Variants in KDM4C observed in about 807,000 individuals in gnomAD.
KDM4C encodes lysine-specific demethylase 4C.
KDM4C carries 81 observed loss-of-function variants against 129.3 expected under a neutral mutation model. The ratio of observed to expected loss-of-function variants is 0.63; its 90% CI spans 0.52 to 0.75. KDM4C has a LOEUF of 0.75. Among genes scored for constraint, KDM4C ranks in the 30% least tolerant of loss-of-function variants. The pLI is 0.00. For missense variants in KDM4C, 1,457 were observed against 1,304.0 expected, an observed-to-expected ratio of 1.12 and a Z score of -1.81; for synonymous variants, 573 against 456.1, an observed-to-expected ratio of 1.26 and a Z score of -3.26.
intron 8 of KDM4C, chr9:6,925,368 A>G: frequency 1.0e-6 from 1 of 985,264 alleles, no homozygotes; most frequent in Non-Finnish European, 1.2e-6. Context: ...AGAGAAGCTC[A>G]GTTCTCTTTG....
rs189184817 is a variant in KDM4C, at chr9:6,899,822, A to G, written c.921+6590A>G. Among the ~76,000 whole-genome samples the G allele has an allele frequency of 2.3e-3, 352 of 152,194 alleles. 1 individual carries two copies. Among genetic ancestry groups the G allele is most frequent in the African/African-American group, 8.1e-3 (335 of 41,534 alleles). ...GGGAGCCTGATTTCATTTGTTGTTA[A>G]CTTGCATTTGCTGCATTATGGGATT... On this transcript the variant is annotated intron_variant, in intron 8 of 21. Coordinates refer to ENST00000381309, the MANE Select transcript of KDM4C (RefSeq NM_015061.6).
At chr9:6,834,229 T>C (rs1340221914) in intron 4 of KDM4C, among the ~76,000 whole-genome samples, 1 of 151,814 alleles carries the variant, frequency 6.6e-6, no homozygotes, top group Admixed American at 6.6e-5. Context: ...AGAGGCAGGG[T>C]TTTGCCATGT....
At chr9:7,090,750 G>A (rs573477812) in intron 17 of KDM4C, among the ~76,000 whole-genome samples, 1 of 152,278 alleles carries the variant, frequency 6.6e-6, no homozygotes, top group South Asian at 2.1e-4. Flanking sequence ...AGCAGGTATA[G>A]TTTTCTAGGC....
chr9:6,966,872 A>G (rs1831066699), intron 8 of KDM4C, among the ~76,000 whole-genome samples: 1 of 152,218 alleles, frequency 6.6e-6, no homozygotes, highest in Non-Finnish European at 1.5e-5. Flanking sequence ...CTATCTTTAT[A>G]ACTTGAGGAT....
chr9:6,829,276 T>A (rs1251573865), intron 4 of KDM4C, among the ~76,000 whole-genome samples: 1 of 152,184 alleles, frequency 6.6e-6, no homozygotes. Flanking sequence ...ATTATGGACA[T>A]TAGGCATGGT....
intron 5 of KDM4C, among the ~76,000 whole-genome samples, chr9:6,878,985 C>G (rs565086349): frequency 6.6e-6 from 1 of 152,210 alleles, no homozygotes; most frequent in Non-Finnish European, 1.5e-5. Context: ...CCTTAAGCAA[C>G]AGGATATATG....
chr9:7,077,328 C>A (rs376435316), intron 17 of KDM4C: 3 of 622,452 alleles, frequency 4.8e-6, no homozygotes, highest in East Asian at 2.8e-4. Flanking sequence ...AGTTGTCATC[C>A]TATGCCCCTC....
intron 8 of KDM4C, among the ~76,000 whole-genome samples, chr9:6,951,808 C>G (rs138218243): frequency 5.1e-4 from 77 of 152,234 alleles, no homozygotes; most frequent in Admixed American, 4.9e-3. Context: ...ATTTACTTCA[C>G]TTAGTACTTT....
chr9:7,067,285 C>G (rs1479971654), intron 17 of KDM4C, among the ~76,000 whole-genome samples: 1 of 152,214 alleles, frequency 6.6e-6, no homozygotes, highest in Non-Finnish European at 1.5e-5. Flanking sequence ...CCCCTTCTTC[C>G]TATAGCTGTG....
chr9:6,741,960 A>T (rs1337841788), intron 1 of KDM4C, among the ~76,000 whole-genome samples: 2 of 151,478 alleles, frequency 1.3e-5, no homozygotes, highest in Non-Finnish European at 2.9e-5. Context: ...CAATAATAAA[A>T]TGTTTTTATT....
chr9:7,161,976 T>A (rs1158141432), intron 19 of KDM4C, among the ~76,000 whole-genome samples: 1 of 152,202 alleles, frequency 6.6e-6, no homozygotes, highest in Non-Finnish European at 1.5e-5. Context: ...AGAAATAAGC[T>A]CTTTTATGTT....
Position 6,805,631 on chromosome 9 carries a change from G to T in KDM4C, c.177G>T (p.Gln59His). ...CTCCTAAGGAGTGGAAGCCAAGACAGTGCTATGATGACATTGATAATTTGC... is the reference window on the plus strand; with the variant it reads ...CTCCTAAGGAGTGGAAGCCAAGACATTGCTATGATGACATTGATAATTTGC... ...VIPPKEWKPR[Q>H]CYDDIDNLLI... The change falls in exon 3 of 22, where the codon CAG (glutamine) becomes CAT (histidine). Residue 59 changes from glutamine to histidine, a missense_variant. Transcript: ENST00000381309. 1.9e-6 allele frequency: 3 copies of T among 1,613,780 alleles called. No homozygotes were observed. Among genetic ancestry groups the T allele is most frequent in the Non-Finnish European group, 2.5e-6 (3 of 1,179,894 alleles).
In KDM4C at chr9:6,778,092, CT is replaced by C. The variant is rs760255723; in HGVS notation, c.-17-14865del. On this transcript the variant is annotated intron_variant, in intron 1 of 21. Transcript: ENST00000381309. ...TGCCACCATGCTTGCCTAATTTTTTCTTTTTTTTTTTTTTTGAGACAGAGTC... is the reference window on the plus strand; with the variant it reads ...TGCCACCATGCTTGCCTAATTTTTTCTTTTTTTTTTTTTTGAGACAGAGTC... Among the ~76,000 whole-genome samples, 769 of 131,680 alleles carry C rather than the reference CT, an allele frequency of 5.8e-3. 3 individuals carry two copies. The highest frequency in any genetic ancestry group is 0.013 in the African/African-American group (482 of 36,088). 86.4% of individuals were successfully genotyped at this position (131,680 alleles called of 152,430 possible).
chr9:6,784,908 C>G (rs544115694), intron 1 of KDM4C, among the ~76,000 whole-genome samples: 1 of 152,304 alleles, frequency 6.6e-6, no homozygotes, highest in Admixed American at 6.5e-5. Flanking sequence ...CCTGCGACTT[C>G]CCTTTTCCTC....
At chr9:7,002,946 C>T (rs959819615) in intron 12 of KDM4C, among the ~76,000 whole-genome samples, 5 of 152,232 alleles carry the variant, frequency 3.3e-5, no homozygotes, top group African/African-American at 1.2e-4. Flanking sequence ...CTGCAGCCTC[C>T]ATCTCCCAGG....
At position 6,833,828 on chromosome 9, in the gene KDM4C, C is replaced by T. The variant is rs932169981; in HGVS notation, c.436-15679C>T. 9.2e-5 allele frequency among the ~76,000 whole-genome samples: 14 copies of T among 152,232 alleles called. No homozygotes were observed. In the East Asian group the frequency reaches 9.6e-4, roughly 10 times the overall value. The stretch of plus-strand genomic sequence containing the variant: ...GAGAATTGTGAAGAGTTCTGTTCTG[C>T]GGTTGCCATTTTAAGTTTGTCCAAT... On this transcript the variant is annotated intron_variant, in intron 4 of 21. Coordinates refer to ENST00000381309, the MANE Select transcript of KDM4C (RefSeq NM_015061.6).
At chr9:6,802,184 C>T (rs890284111) in intron 2 of KDM4C, among the ~76,000 whole-genome samples, 1 of 150,558 alleles carries the variant, frequency 6.6e-6, no homozygotes, top group South Asian at 2.1e-4. Flanking sequence ...TCGGAAAATA[C>T]AAATAAAATT....
chr9:7,048,708 A>G (rs1829751153), intron 16 of KDM4C, among the ~76,000 whole-genome samples: 1 of 152,162 alleles, frequency 6.6e-6, no homozygotes, highest in African/African-American at 2.4e-5. Context: ...CATACCTTTT[A>G]TTAATTGAAC....
intron 2 of KDM4C, among the ~76,000 whole-genome samples, chr9:6,804,499 C>G (rs1829603687): frequency 6.6e-6 from 1 of 152,202 alleles, no homozygotes; most frequent in Non-Finnish European, 1.5e-5. Flanking sequence ...GTGGCTCACG[C>G]CTGTAATCCC....
Sources: allele counts gnomAD v4.1 joint callset (sites outside exome capture counted in the v4.1 genomes callset), GRCh38; gene constraint gnomAD v4.1.1; transcripts MANE v1.5; gene names NCBI Gene and HGNC (gene_info 2026-07-23, HGNC 2026-07-21).